Variants in PCDHGB4 observed in about 807,000 individuals in gnomAD.
PCDHGB4 encodes protocadherin gamma-B4.
Under a neutral mutation model 60.5 loss-of-function variants are expected in PCDHGB4, and 38 were observed. The observed-to-expected ratio is 0.63, with a 90% CI of 0.48 to 0.82. The LOEUF (loss-of-function observed/expected upper bound fraction) is 0.82. Among genes scored for constraint, PCDHGB4 ranks in the 40% least tolerant of loss-of-function variants. PCDHGB4 has a pLI of 0.00. For synonymous variants in PCDHGB4, 456 were observed against 509.7 expected (o/e 0.89, Z 1.42); for missense variants, 1,109 against 1,209.6 (o/e 0.92, Z 1.23).
chr5:141,388,745 C>T lies in PCDHGB4; in HGVS notation c.861C>T (p.Ile287=), dbSNP rs1280615634. ...ITFSFSEASQ[I]TQFDLNSNTG... is the part of the protein sequence containing the mutation. Reference sequence around the variant, plus strand: ...TCTCTTTCAGTGAAGCTAGCCAGATCACCCAATTTGACCTGAACTCTAACA... The same window carrying T: ...TCTCTTTCAGTGAAGCTAGCCAGATTACCCAATTTGACCTGAACTCTAACA... Residue 287 remains isoleucine, a synonymous_variant, in exon 1 of 4, where the codon ATC becomes ATT. Coordinates refer to ENST00000519479, the MANE Select transcript of PCDHGB4 (RefSeq NM_003736.4). 3 of 1,614,024 alleles carry T rather than the reference C, an allele frequency of 1.9e-6. No individual in the cohort carries two copies. The Admixed American group carries it at 5.0e-5, about 27-fold the overall frequency.
chr5:141,489,089 A>C lies in PCDHGB4; in HGVS notation c.2398-5718A>C. 6 of 284,452 alleles carry C rather than the reference A, an allele frequency of 2.1e-5. No individual in the cohort carries two copies. The highest frequency in any genetic ancestry group is 5.7e-5 in the East Asian group (1 of 17,568). The allele number at this position is 284,452 out of a possible 1,614,324, so 17.6% of individuals were successfully genotyped here. A position where few individuals can be genotyped will look rare whatever the true frequency, so the allele number is the denominator to read the frequency against. Reference sequence around the variant, plus strand: ...CCCTGCCCACCCCCGCCACTCGGTGACTAAGAACTGCTGCAAGCAGGCAAA... The same window carrying C: ...CCCTGCCCACCCCCGCCACTCGGTGCCTAAGAACTGCTGCAAGCAGGCAAA... On this transcript the variant is annotated intron_variant, in intron 1 of 3. Transcript: ENST00000519479. This position sits in a 1 kb window ranked among gnomAD's most constrained non-coding sequence, Gnocchi z 4.5.
intron 1 of PCDHGB4, among the ~76,000 whole-genome samples, chr5:141,481,008 A>G (rs2099529606): frequency 6.6e-6 from 1 of 152,224 alleles, no homozygotes; most frequent in Non-Finnish European, 1.5e-5. Context: ...CAGTGAGCCC[A>G]GATCACACCA....
Position 141,489,092 on chromosome 5 carries a change from A to AATT in PCDHGB4, c.2398-5714_2398-5713insTTA. 2.9e-6 allele frequency: 1 copy of AATT among 348,332 alleles called. No individual in the cohort carries two copies. Among genetic ancestry groups the AATT allele is most frequent in the Non-Finnish European group, 4.7e-6 (1 of 214,538 alleles). 21.6% of individuals were successfully genotyped at this position (348,332 alleles called of 1,614,324 possible). A position where few individuals can be genotyped will look rare whatever the true frequency, so the allele number is the denominator to read the frequency against. On this transcript the variant is annotated intron_variant, in intron 1 of 3. Transcript: ENST00000519479. This position sits in a 1 kb window ranked among gnomAD's most constrained non-coding sequence, Gnocchi z 4.5. Reference sequence around the variant, plus strand: ...TGCCCACCCCCGCCACTCGGTGACTAAGAACTGCTGCAAGCAGGCAAACCT... The same window carrying AATT: ...TGCCCACCCCCGCCACTCGGTGACTAATTAGAACTGCTGCAAGCAGGCAAACCT...
intron 1 of PCDHGB4, chr5:141,413,400 G>T: frequency 6.2e-7 from 1 of 1,614,060 alleles, no homozygotes. Context: ...CCAGAGGTAG[G>T]ACGCAGCTTT....
intron 1 of PCDHGB4, among the ~76,000 whole-genome samples, chr5:141,437,721 A>G (rs2097904045): frequency 6.6e-6 from 1 of 151,664 alleles, no homozygotes; most frequent in African/African-American, 2.4e-5. Flanking sequence ...TTACCCTCTA[A>G]TGTTACACTT....
At chr5:141,405,008 G>A in intron 1 of PCDHGB4, 1 of 1,614,000 alleles carries the variant, frequency 6.2e-7, no homozygotes, top group Non-Finnish European at 8.5e-7. Context: ...AGACCTGGAG[G>A]CCTCAGACCT....
chr5:141,481,352 C>T (rs1007066307), intron 1 of PCDHGB4, among the ~76,000 whole-genome samples: 3 of 152,222 alleles, frequency 2.0e-5, no homozygotes, highest in East Asian at 1.9e-4. Flanking sequence ...TAAACATCTA[C>T]AGCTGTTCAA....
intron 1 of PCDHGB4, chr5:141,414,451 G>C (rs1390702349): frequency 1.9e-6 from 3 of 1,613,874 alleles, no homozygotes; most frequent in Non-Finnish European, 2.5e-6. Context: ...CAATATCACA[G>C]TGACAGCCAC....
rs749702926 is a variant in PCDHGB4, at chr5:141,390,249, C to A, written c.2365C>A (p.Leu789Ile). ...CGDSSGALFP[L>I]CNSSELTSHQ... is the part of the protein sequence containing the mutation. The stretch of plus-strand genomic sequence containing the variant: ...TGATTCATCTGGGGCCTTATTTCCA[C>A]TTTGTAATTCCAGTGAATTGACTTC... Residue 789 changes from leucine (L) to isoleucine (I), a missense_variant, in exon 1 of 4, where the codon CTT (leucine) becomes ATT (isoleucine). By Grantham distance (5) the Leu-to-Ile change is conservative (BLOSUM62 2). Transcript: ENST00000519479. The A allele has an allele frequency of 6.2e-7, 1 of 1,614,046 alleles. No individual in the cohort carries two copies. The highest frequency in any genetic ancestry group is 1.1e-5 in the South Asian group (1 of 91,082).
At chr5:141,418,944 C>T in intron 1 of PCDHGB4, 1 of 1,614,026 alleles carries the variant, frequency 6.2e-7, no homozygotes, top group Non-Finnish European at 8.5e-7. Context: ...GATTCCCCTC[C>T]AGGAGTGGTT....
chr5:141,429,879 A>T (rs2097250861), intron 1 of PCDHGB4, among the ~76,000 whole-genome samples: 1 of 152,210 alleles, frequency 6.6e-6, no homozygotes, highest in African/African-American at 2.4e-5. Context: ...TCTTTTACTA[A>T]GTTTCCTGAA....
At chr5:141,404,072 C>T (rs779657331) in intron 1 of PCDHGB4, 1 of 1,613,626 alleles carries the variant, frequency 6.2e-7, no homozygotes, top group Non-Finnish European at 8.5e-7. Flanking sequence ...TGCTCATGAC[C>T]GAGACTCCGG....
chr5:141,479,838 C>T (rs539142918), intron 1 of PCDHGB4, among the ~76,000 whole-genome samples: 1 of 152,298 alleles, frequency 6.6e-6, no homozygotes, highest in African/African-American at 2.4e-5. Context: ...GGTATCCATG[C>T]AAGGTGACTG....
intron 1 of PCDHGB4, chr5:141,410,800 T>A: frequency 1.5e-6 from 1 of 678,550 alleles, no homozygotes; most frequent in Non-Finnish European, 2.2e-6. Context: ...TAAGTTGCTC[T>A]ATCTTTTTGT....
At chr5:141,478,603 A>C (rs116528962) in intron 1 of PCDHGB4, 173 of 1,563,096 alleles carry the variant, frequency 1.1e-4, no homozygotes, top group Non-Finnish European at 1.4e-4. Context: ...CCTACATCAT[A>C]TTGAGGAAGG....
chr5:141,418,669 C>G, intron 1 of PCDHGB4: 1 of 1,614,018 alleles, frequency 6.2e-7, no homozygotes, highest in Non-Finnish European at 8.5e-7. Flanking sequence ...CTGACCAGGA[C>G]GAGGGCATCA....
At chr5:141,410,851 T>A in intron 1 of PCDHGB4, 3 of 207,068 alleles carry the variant, frequency 1.4e-5, no homozygotes, top group Non-Finnish European at 1.7e-5. Flanking sequence ...GTCTTTGTCT[T>A]TTTTTTTTTT....
At chr5:141,498,973 GA>G (rs1161965842) in intron 2 of PCDHGB4, among the ~76,000 whole-genome samples, 8 of 11,660 alleles carry the variant, frequency 6.9e-4, no homozygotes, top group Admixed American at 4.8e-3. Flanking sequence ...GGGAGGGAGG[GA>G]AGGAAGGAAG....
intron 1 of PCDHGB4, among the ~76,000 whole-genome samples, chr5:141,494,361 G>A (rs1311268562): frequency 6.6e-6 from 1 of 152,184 alleles, no homozygotes; most frequent in African/African-American, 2.4e-5. Flanking sequence ...TGCTGCAGAG[G>A]ATGCTTTGTT....
Sources: allele counts gnomAD v4.1 joint callset (sites outside exome capture counted in the v4.1 genomes callset), GRCh38; gene constraint gnomAD v4.1.1; non-coding constraint Gnocchi (gnomAD v3.1); transcripts MANE v1.5; gene names NCBI Gene and HGNC (gene_info 2026-07-23, HGNC 2026-07-21).